DPY19L3: variants seen among roughly 807,000 people sequenced by gnomAD.
The protein encoded by DPY19L3 is protein C-mannosyl-transferase DPY19L3.
DPY19L3 carries 51 observed loss-of-function variants against 92.3 expected under a neutral mutation model. That is an observed-to-expected ratio of 0.55 (90% CI 0.44 to 0.70). DPY19L3 has a LOEUF of 0.70. Among genes scored for constraint, DPY19L3 ranks in the 30% least tolerant of loss-of-function variants. The pLI, the probability that DPY19L3 is intolerant of heterozygous loss-of-function variation, is 0.00. For synonymous variants in DPY19L3, 309 were observed against 315.2 expected (o/e 0.98, Z 0.21); for missense variants, 706 against 855.9 (o/e 0.82, Z 2.18).
intron 3 of DPY19L3, among the ~76,000 whole-genome samples, chr19:32,425,456 C>G (rs969601463): frequency 2.6e-5 from 4 of 151,708 alleles, no homozygotes; most frequent in Non-Finnish European, 5.9e-5. Flanking sequence ...GAGGCTGAGA[C>G]AGAAGGATCA....
intron 3 of DPY19L3, among the ~76,000 whole-genome samples, chr19:32,422,150 C>CA (rs1446215607): frequency 6.6e-6 from 1 of 151,936 alleles, no homozygotes; most frequent in African/African-American, 2.4e-5. Flanking sequence ...GATACTGCAA[C>CA]AAAAAAGGGA....
At chr19:32,439,370 A>AT in intron 7 of DPY19L3, 135 bp downstream of exon 7, 1 of 971,846 alleles carries the variant, frequency 1.0e-6, no homozygotes, top group Non-Finnish European at 1.4e-6. Flanking sequence ...CTTGAGTTAA[A>AT]TTAAGTTTTC....
chr19:32,425,316 C>A (rs900627862), intron 3 of DPY19L3, among the ~76,000 whole-genome samples: 6 of 152,026 alleles, frequency 3.9e-5, no homozygotes, highest in Non-Finnish European at 7.4e-5. Flanking sequence ...GTTTGGAGGC[C>A]AAGGCAGGCA....
At chr19:32,434,031 A>C (rs575773085) in intron 4 of DPY19L3, among the ~76,000 whole-genome samples, 1 of 152,338 alleles carries the variant, frequency 6.6e-6, no homozygotes, top group Admixed American at 6.5e-5. Context: ...GCTACCTTGC[A>C]GTACAGTTTA....
rs71176123 is a variant in DPY19L3, at chr19:32,423,402, A to ATTTTTTTTTTTTTTTTTTTTTTTT, written c.238-9296_238-9295insTTTTTTTTTTTTTTTTTTTTTTTT. 2.4e-4 allele frequency among the ~76,000 whole-genome samples: 20 copies of ATTTTTTTTTTTTTTTTTTTTTTTT among 82,218 alleles called. 1 individual carries two copies. The highest frequency in any genetic ancestry group is 4.6e-4 in the South Asian group (1 of 2,194). 53.9% of individuals were successfully genotyped at this position (82,218 alleles called of 152,430 possible). A position where few individuals can be genotyped will look rare whatever the true frequency, so the allele number is the denominator to read the frequency against. ...AGGCATGCACCACCATGCCCAGCTAATTTTTTTTTTTTTTTTTTGGTATTT... is the reference window on the plus strand; with the variant it reads ...AGGCATGCACCACCATGCCCAGCTAATTTTTTTTTTTTTTTTTTTTTTTTTTTTTTTTTTTTTTTTTTGGTATTT... On this transcript the variant is annotated intron_variant, in intron 3 of 18. Transcript: ENST00000392250.
chr19:32,483,546 A>G lies in DPY19L3; in HGVS notation c.*1306A>G, dbSNP rs2145651065. 6.5e-6 allele frequency: 1 copy of G among 152,760 alleles called. No homozygotes were observed. The highest frequency in any genetic ancestry group is 2.4e-5 in the African/African-American group (1 of 41,580). The allele number at this position is 152,760 out of a possible 1,614,324, so 9.5% of individuals were successfully genotyped here. A position where few individuals can be genotyped will look rare whatever the true frequency, so the allele number is the denominator to read the frequency against. On this transcript the variant is annotated 3_prime_UTR_variant, in exon 19 of 19. Transcript: ENST00000392250. ...TTTAAGCATTTCTCCTTGCAGTTGT[A>G]TTGAAGTAAATTACCATAGGCATCA... is the stretch of plus-strand genomic sequence containing the variant.
At position 32,407,123 on chromosome 19, in the gene DPY19L3, A is replaced by AG. The variant is rs1967986941; in HGVS notation, c.-37-1093dup. Among the ~76,000 whole-genome samples, 3 of 152,028 alleles carry AG rather than the reference A, an allele frequency of 2.0e-5. No homozygotes were observed. In the South Asian group the frequency reaches 6.2e-4, roughly 31 times the overall value. On this transcript the variant is annotated intron_variant, in intron 1 of 18. Transcript: ENST00000392250. Reference sequence around the variant, plus strand: ...GTGGAAACAATCATGTCAGGCTACTAGTCACATTTAAGAAATAATTAGTAA... The same window carrying AG: ...GTGGAAACAATCATGTCAGGCTACTAGGTCACATTTAAGAAATAATTAGTAA...
At chr19:32,479,831 G>A (rs1158084448) in intron 17 of DPY19L3, among the ~76,000 whole-genome samples, 3 of 152,198 alleles carry the variant, frequency 2.0e-5, no homozygotes, top group African/African-American at 4.8e-5. Context: ...TAGGATGGAC[G>A]AGAGGGAGAG....
intron 3 of DPY19L3, among the ~76,000 whole-genome samples, chr19:32,414,884 T>C (rs7255468): frequency 0.012 from 1,788 of 152,352 alleles, 43 homozygotes; most frequent in African/African-American, 0.039. Flanking sequence ...GGTTTTTCTC[T>C]CTTTACTTTC....
In DPY19L3 at chr19:32,405,810, C is replaced by G. The variant is rs10405382; in HGVS notation, c.-137C>G. 0.18 allele frequency: 27,019 copies of G among 152,142 alleles called. 2,452 individuals are homozygous for G. The highest frequency in any genetic ancestry group is 0.27 in the South Asian group (1,280 of 4,830). 9.4% of individuals were successfully genotyped at this position (152,142 alleles called of 1,614,324 possible). ...CGCGGCGGTTCTGCCCTCCTTGTAC[C>G]CGCGGCGCGCTGCGGCCCGTGGCGC... On this transcript the variant is annotated 5_prime_UTR_variant, in exon 1 of 19. Transcript: ENST00000392250.
At position 32,460,237 on chromosome 19, in the gene DPY19L3, C is replaced by CG. The variant is rs1387393992; in HGVS notation, c.1322+1730dup. Among the ~76,000 whole-genome samples the CG allele has an allele frequency of 2.0e-5, 3 of 150,532 alleles. No individual in the cohort carries two copies. The East Asian group carries it at 5.8e-4, about 29-fold the overall frequency. The stretch of plus-strand genomic sequence containing the variant: ...GCAACATAGCAAGACCGCATCTCTA[C>CG]GGAAAAAAAAAAGAAAAAGAAAAAT... On this transcript the variant is annotated intron_variant, in intron 12 of 18. Transcript: ENST00000392250.
At chr19:32,473,706 G>A (rs372936871) in intron 16 of DPY19L3, among the ~76,000 whole-genome samples, 6 of 152,318 alleles carry the variant, frequency 3.9e-5, no homozygotes, top group Admixed American at 6.5e-5. Flanking sequence ...GGTTTACCAC[G>A]GAGCTGGCGT....
chr19:32,433,236 TAAGTGGGTTA>T (rs1969026905), intron 4 of DPY19L3, among the ~76,000 whole-genome samples: 5 of 152,250 alleles, frequency 3.3e-5, no homozygotes, highest in Admixed American at 3.3e-4. Context: ...TTACTTCCCC[TAAGTGGGTTA>T]GACCCCACAC....
intron 3 of DPY19L3, among the ~76,000 whole-genome samples, chr19:32,431,409 A>T (rs1968963606): frequency 6.6e-6 from 1 of 151,924 alleles, no homozygotes. Context: ...TATATTTTAG[A>T]CAGTGTGTTA....
chr19:32,445,439 T>TGAAAAAA (rs1969461359), intron 8 of DPY19L3, among the ~76,000 whole-genome samples: 1 of 2,176 alleles, frequency 4.6e-4, no homozygotes, highest in East Asian at 0.011. Context: ...AGACTTCATC[T>TGAAAAAA]CAAAAAAAAA....
chr19:32,470,222 G>A (rs1194390651), intron 16 of DPY19L3, among the ~76,000 whole-genome samples: 1 of 152,216 alleles, frequency 6.6e-6, no homozygotes, highest in African/African-American at 2.4e-5. Context: ...CATGCCAGAC[G>A]ATTACAGAGT....
At position 32,454,247 on chromosome 19, in the gene DPY19L3, T is replaced by A. The variant is rs75109496; in HGVS notation, c.988-692T>A. The stretch of plus-strand genomic sequence containing the variant: ...ATAAGTCTTTTATGTAATTGACTTG[T>A]AACTATGCCCGTGGTGTAGGAATTA... On this transcript the variant is annotated intron_variant, in intron 9 of 18. Transcript: ENST00000392250. Among the ~76,000 whole-genome samples, 1,025 of 152,294 alleles carry A rather than the reference T, an allele frequency of 6.7e-3. 4 individuals are homozygous for A. The highest frequency in any genetic ancestry group is 0.012 in the Non-Finnish European group (807 of 68,008).
rs71336904 is a variant in DPY19L3 at position 32,445,440 on chromosome 19, C to CAAAAAAAAAAAA, written c.855+5540_855+5551dup. ...TGGGGGACAGAGCGAGACTTCATCT[C>CAAAAAAAAAAAA]AAAAAAAAAAAAAAAAAAAAACCAT... On this transcript the variant is annotated intron_variant, in intron 8 of 18. Transcript: ENST00000392250. 7.2e-3 allele frequency among the ~76,000 whole-genome samples: 307 copies of CAAAAAAAAAAAA among 42,822 alleles called. 88 individuals are homozygous for CAAAAAAAAAAAA. Among genetic ancestry groups the CAAAAAAAAAAAA allele is most frequent in the African/African-American group, 0.032 (280 of 8,724 alleles). 28.1% of individuals were successfully genotyped at this position (42,822 alleles called of 152,430 possible). A position where few individuals can be genotyped will look rare whatever the true frequency, so the allele number is the denominator to read the frequency against.
At chr19:32,439,576 C>T (rs1234332406) in intron 7 of DPY19L3, among the ~76,000 whole-genome samples, 200 bp from the exon 8 acceptor site, 3 of 152,138 alleles carry the variant, frequency 2.0e-5, no homozygotes, top group African/African-American at 7.2e-5. Flanking sequence ...GGAATACACA[C>T]ACCGTATGTG....
Sources: gnomAD v4.1 joint callset for allele counts (sites outside exome capture counted in the v4.1 genomes callset) on GRCh38, gnomAD v4.1.1 for gene constraint, MANE v1.5 for transcripts, NCBI Gene and HGNC (gene_info 2026-07-23, HGNC 2026-07-21) for gene names.